The following TLL1 variants were observed in gnomAD, a reference collection of about 807,000 sequenced individuals.
TLL1 encodes the protein tolloid-like protein 1.
TLL1 carries 49 observed loss-of-function variants against 128.2 expected under a neutral mutation model. The ratio of observed to expected loss-of-function variants is 0.38; its 90% CI spans 0.30 to 0.48. The LOEUF is 0.48. TLL1 is among the 20% of genes least tolerant of loss of function. The pLI is 0.96. For synonymous variants in TLL1, 454 were observed against 418.8 expected, an observed-to-expected ratio of 1.08 and a Z score of -1.03; for missense variants, 1,123 against 1,242.0, an observed-to-expected ratio of 0.90 and a Z score of 1.44.
Position 165,873,817 on chromosome 4 carries a change from A to C in TLL1, c.-88A>C, listed in dbSNP as rs1730598081. 2 of 1,498,340 alleles carry C rather than the reference A, an allele frequency of 1.3e-6. No homozygotes were observed. Among genetic ancestry groups the C allele is most frequent in the Admixed American group, 3.4e-5 (2 of 58,368 alleles). 92.8% of individuals were successfully genotyped at this position (1,498,340 alleles called of 1,614,324 possible). On this transcript the variant is annotated 5_prime_UTR_variant, in exon 1 of 21. Transcript: ENST00000061240. ...GGAGCCTCCGGGTGGGGAGAAGAGC[A>C]CCGGTGCCCCTAGCCCCGCACATCA...
At chr4:165,930,160 AGGTCTG>A (rs952921596) in intron 1 of TLL1, among the ~76,000 whole-genome samples, 82 of 152,156 alleles carry the variant, frequency 5.4e-4, no homozygotes, top group Non-Finnish European at 9.7e-4. Flanking sequence ...TCAGAAATCA[AGGTCTG>A]GGTGCATTCT....
intron 1 of TLL1, among the ~76,000 whole-genome samples, chr4:165,943,112 T>A (rs1025614479): frequency 2.0e-5 from 3 of 152,080 alleles, no homozygotes; most frequent in Non-Finnish European, 4.4e-5. Context: ...ATTAACTCCA[T>A]TATTCATTTC....
At chr4:166,009,652 C>T (rs961479081) in intron 7 of TLL1, among the ~76,000 whole-genome samples, 2 of 151,308 alleles carry the variant, frequency 1.3e-5, no homozygotes, top group African/African-American at 2.4e-5. Flanking sequence ...ATCATATCCA[C>T]CTGTTAGAAG....
chr4:166,008,109 A>C, intron 7 of TLL1, 61 bp downstream of exon 7: 1 of 1,229,380 alleles, frequency 8.1e-7, no homozygotes, highest in Non-Finnish European at 1.2e-6. Context: ...GGCTCCTCAC[A>C]AAGCTATGCC....
chr4:165,894,217 C>A (rs1731556167), intron 1 of TLL1, among the ~76,000 whole-genome samples: 1 of 152,032 alleles, frequency 6.6e-6, no homozygotes, highest in African/African-American at 2.4e-5. Flanking sequence ...CTCAACAAAT[C>A]CCCAAGTACA....
At chr4:166,087,917 A>C (rs1347357658) in intron 18 of TLL1, among the ~76,000 whole-genome samples, 2 of 152,132 alleles carry the variant, frequency 1.3e-5, no homozygotes, top group Non-Finnish European at 2.9e-5. Flanking sequence ...GAAATGCATT[A>C]GGATTTCTGA....
At chr4:166,077,799 C>A in intron 17 of TLL1, 104 bp from the exon 18 acceptor site, 4 of 1,519,394 alleles carry the variant, frequency 2.6e-6, no homozygotes, top group Non-Finnish European at 3.6e-6. Flanking sequence ...AGCTGGTATT[C>A]AGGAAAATCT....
chr4:165,988,075 TC>T (rs1736467250), intron 1 of TLL1, among the ~76,000 whole-genome samples: 1 of 152,156 alleles, frequency 6.6e-6, no homozygotes, highest in African/African-American at 2.4e-5. Flanking sequence ...ATGATTAATT[TC>T]TTATTTCTCG....
Position 166,020,082 on chromosome 4 carries a change from T to A in TLL1, c.1043-5234T>A, listed in dbSNP as rs189933596. 3.0e-3 allele frequency among the ~76,000 whole-genome samples: 460 copies of A among 152,246 alleles called. 6 individuals carry two copies. Among genetic ancestry groups the A allele is most frequent in the Admixed American group, 0.028 (426 of 15,292 alleles). On this transcript the variant is annotated intron_variant, in intron 8 of 20. Transcript: ENST00000061240. Reference sequence around the variant, plus strand: ...ATTGTTGTGTTAAGAAAGAATATGATCCCTTAGAGCTCTGGCAGTCTACTG... The same window carrying A: ...ATTGTTGTGTTAAGAAAGAATATGAACCCTTAGAGCTCTGGCAGTCTACTG...
intron 7 of TLL1, among the ~76,000 whole-genome samples, chr4:166,009,817 C>A (rs913998361): frequency 6.7e-6 from 1 of 150,250 alleles, no homozygotes; most frequent in Non-Finnish European, 1.5e-5. Context: ...CTTTTTTTTT[C>A]AATTATGGAA....
At chr4:165,885,082 A>G (rs1406371928) in intron 1 of TLL1, among the ~76,000 whole-genome samples, 3 of 152,094 alleles carry the variant, frequency 2.0e-5, no homozygotes, top group Non-Finnish European at 4.4e-5. Flanking sequence ...GATTTTGAAA[A>G]GTAAATATAA....
At chr4:165,913,039 C>T (rs564298520) in intron 1 of TLL1, among the ~76,000 whole-genome samples, 21 of 152,126 alleles carry the variant, frequency 1.4e-4, no homozygotes, top group Admixed American at 5.2e-4. Context: ...GAAGCAATTA[C>T]GTGTTTATTC....
chr4:165,912,622 A>G (rs776305404), intron 1 of TLL1, among the ~76,000 whole-genome samples: 17 of 152,240 alleles, frequency 1.1e-4, no homozygotes, highest in Non-Finnish European at 2.5e-4. Context: ...ATCCCTGCCC[A>G]TGTGATAGCT....
intron 9 of TLL1, among the ~76,000 whole-genome samples, chr4:166,034,996 A>T (rs549136482): frequency 1.4e-4 from 22 of 152,316 alleles, no homozygotes; most frequent in African/African-American, 5.3e-4. Context: ...TTATCAGGGC[A>T]CTAATCTCAT....
rs1741759081 is a variant in TLL1 at position 166,091,184 on chromosome 4, A to T, written c.2499A>T (p.Glu833Asp). 1 of 1,613,122 alleles carries T rather than the reference A, an allele frequency of 6.2e-7. No homozygotes were observed. The highest frequency in any genetic ancestry group is 1.7e-5 in the Admixed American group (1 of 59,928). The change falls in exon 19 of 21, where the codon GAA becomes GAT. Residue 833 changes from glutamate to aspartate, a missense_variant. By Grantham distance (45) the Glu-to-Asp change is conservative. Around this residue, in one of 3 missense-constraint regions of TLL1, gnomAD observed 634 missense variants for 672.4 expected, o/e 0.94. Coordinates refer to ENST00000061240, the MANE Select transcript of TLL1 (RefSeq NM_012464.5). ...AAGAATGTGCTTATGACCACTTAGA[A>T]GTATTTGATGGAGAAACAGAAAAGT... ...QHQECAYDHL[E>D]VFDGETEKSP...
chr4:166,052,965 G>GTGTGTGTGTATATATATATATA, intron 12 of TLL1, among the ~76,000 whole-genome samples: 5 of 99,648 alleles, frequency 5.0e-5, no homozygotes, highest in African/African-American at 1.9e-4. Flanking sequence ...GAGGTTATGT[G>GTGTGTGTGTATATATATATATA]TATATATATA....
intron 16 of TLL1, among the ~76,000 whole-genome samples, chr4:166,069,262 A>G (rs1032484043): frequency 4.6e-5 from 7 of 151,764 alleles, no homozygotes; most frequent in Non-Finnish European, 8.8e-5. Flanking sequence ...GAGATATTTT[A>G]TAGACACATA....
chr4:165,951,811 T>G (rs532824379), intron 1 of TLL1, among the ~76,000 whole-genome samples: 1 of 152,278 alleles, frequency 6.6e-6, no homozygotes, highest in South Asian at 2.1e-4. Flanking sequence ...TCTTGCTATA[T>G]TCCAGAACTC....
rs72972248 is a variant in TLL1, at chr4:165,948,906, T to C, written c.170-40475T>C. The stretch of plus-strand genomic sequence containing the variant: ...GAGGGAAGACTGTGGTAGACATAAT[T>C]CTAAAGATATTTCCTCAGGCTTCCT... On this transcript the variant is annotated intron_variant, in intron 1 of 20. Transcript: ENST00000061240. Among the ~76,000 whole-genome samples, 990 of 152,202 alleles carry C rather than the reference T, an allele frequency of 6.5e-3. 10 individuals are homozygous for C. The highest frequency in any genetic ancestry group is 0.023 in the African/African-American group (950 of 41,536).
Sources: gnomAD v4.1 joint callset for allele counts (sites outside exome capture counted in the v4.1 genomes callset) on GRCh38, gnomAD v4.1.1 for gene constraint, gnomAD v4.1.1 regional missense constraint, MANE v1.5 for transcripts, NCBI Gene and HGNC (gene_info 2026-07-23, HGNC 2026-07-21) for gene names.